SNTB1: variants seen among roughly 807,000 people sequenced by gnomAD.
SNTB1 encodes the protein beta-1-syntrophin.
In SNTB1, 36 loss-of-function variants were observed where a neutral mutation model predicts 48.9. That is an observed-to-expected ratio of 0.74 (90% CI 0.56 to 0.97). The LOEUF is 0.97. Among genes scored for constraint, SNTB1 ranks in the 50% least tolerant of loss-of-function variants. SNTB1 has a pLI of 0.00. For synonymous variants in SNTB1, 299 were observed against 294.6 expected (o/e 1.01, Z -0.15); for missense variants, 786 against 703.4 (o/e 1.12, Z -1.33).
chr8:120,636,368 A>C (rs1466942267), intron 2 of SNTB1, among the ~76,000 whole-genome samples: 1 of 137,592 alleles, frequency 7.3e-6, no homozygotes, highest in Non-Finnish European at 1.6e-5. Context: ...CATTAGGTAT[A>C]TCTCCCGATG....
In SNTB1 at chr8:120,681,267, C is replaced by T. The variant is rs369397850; in HGVS notation, c.788+12425G>A. Among the ~76,000 whole-genome samples, 44 of 152,300 alleles carry T rather than the reference C, an allele frequency of 2.9e-4. No individual in the cohort carries two copies. In the East Asian group the frequency reaches 8.3e-3, roughly 29 times the overall value. ...CGGTGGTTTGGCTATTCATGTTGAT[C>T]TCCTGCCTTTTGTAAGATCCAGTAA... On this transcript the variant is annotated intron_variant, in intron 2 of 6. Transcript: ENST00000517992.
intron 1 of SNTB1, among the ~76,000 whole-genome samples, chr8:120,810,017 GA>G (rs1218876863): frequency 6.6e-6 from 1 of 152,122 alleles, no homozygotes; most frequent in African/African-American, 2.4e-5. Context: ...GCAGGAAATT[GA>G]CTTAAGTCCT....
chr8:120,571,153 A>C, intron 4 of SNTB1: 1 of 1,175,566 alleles, frequency 8.5e-7, no homozygotes, highest in Non-Finnish European at 1.1e-6. Flanking sequence ...CTGTGAGAAC[A>C]AGGCTATGTA....
intron 1 of SNTB1, among the ~76,000 whole-genome samples, chr8:120,792,997 T>C (rs1043662845): frequency 6.6e-6 from 1 of 152,070 alleles, no homozygotes; most frequent in Admixed American, 6.6e-5. Flanking sequence ...GTCTGTGTGT[T>C]GGTGCTTTGT....
At chr8:120,634,239 A>G (rs528243981) in intron 2 of SNTB1, among the ~76,000 whole-genome samples, 291 of 152,358 alleles carry the variant, frequency 1.9e-3, no homozygotes, top group African/African-American at 6.8e-3. Flanking sequence ...GGATTCGGAA[A>G]TTCAAAGCTC....
At chr8:120,757,680 A>G (rs1819341017) in intron 1 of SNTB1, among the ~76,000 whole-genome samples, 1 of 152,182 alleles carries the variant, frequency 6.6e-6, no homozygotes, top group African/African-American at 2.4e-5. Context: ...TTCTTCTGTG[A>G]AAAACTTCCC....
chr8:120,623,801 CACA>C (rs1289157831), intron 3 of SNTB1, among the ~76,000 whole-genome samples: 24 of 152,300 alleles, frequency 1.6e-4, no homozygotes, highest in Non-Finnish European at 2.9e-4. Flanking sequence ...TCTTCTGGAA[CACA>C]TCTATTTCAT....
intron 1 of SNTB1, among the ~76,000 whole-genome samples, chr8:120,777,860 A>C (rs1196286918): frequency 1.3e-5 from 2 of 152,218 alleles, no homozygotes; most frequent in Admixed American, 6.5e-5. Context: ...ATATGAGGGC[A>C]AGAGTATCCC....
At chr8:120,539,238 T>C (rs1157639257) in intron 6 of SNTB1, among the ~76,000 whole-genome samples, 1 of 152,212 alleles carries the variant, frequency 6.6e-6, no homozygotes, top group East Asian at 1.9e-4. Flanking sequence ...TTCTTGACTG[T>C]CTAAGCCATT....
chr8:120,747,517 C>T (rs2130023020), intron 1 of SNTB1, among the ~76,000 whole-genome samples: 1 of 152,262 alleles, frequency 6.6e-6, no homozygotes, highest in South Asian at 2.1e-4. Context: ...TCTCAAACTC[C>T]TGACCTCTAT....
At chr8:120,602,317 G>GTATGCCATAGTATGCCATA (rs1240463586) in intron 3 of SNTB1, among the ~76,000 whole-genome samples, 1 of 152,176 alleles carries the variant, frequency 6.6e-6, no homozygotes, top group Non-Finnish European at 1.5e-5. Flanking sequence ...GCTAGGCTAT[G>GTATGCCATAGTATGCCATA]GTATGCCACT....
intron 2 of SNTB1, among the ~76,000 whole-genome samples, chr8:120,681,309 G>T (rs971805384): frequency 1.3e-5 from 2 of 152,168 alleles, no homozygotes; most frequent in East Asian, 3.9e-4. Flanking sequence ...AGTAAAGGAG[G>T]TCTAAACTCA....
At chr8:120,730,790 G>C (rs1818837594) in intron 1 of SNTB1, among the ~76,000 whole-genome samples, 1 of 152,108 alleles carries the variant, frequency 6.6e-6, no homozygotes, top group Admixed American at 6.6e-5. Context: ...TCTTTAGGGA[G>C]AGAGTTTAGC....
At chr8:120,683,006 C>T (rs572924599) in intron 2 of SNTB1, among the ~76,000 whole-genome samples, 1 of 151,524 alleles carries the variant, frequency 6.6e-6, no homozygotes, top group South Asian at 2.1e-4. Context: ...CTCAGCCTCC[C>T]GAGTAGCTGG....
intron 2 of SNTB1, among the ~76,000 whole-genome samples, chr8:120,663,433 A>G (rs910509611): frequency 2.0e-5 from 3 of 152,302 alleles, no homozygotes; most frequent in East Asian, 1.9e-4. Flanking sequence ...CAGCCTCCCG[A>G]GTAGCTGGGA....
At chr8:120,616,523 C>T (rs1226700821) in intron 3 of SNTB1, among the ~76,000 whole-genome samples, 3 of 150,854 alleles carry the variant, frequency 2.0e-5, no homozygotes, top group Admixed American at 6.6e-5. Context: ...GATACATTGC[C>T]CCAGGCTGGT....
chr8:120,561,775 C>T (rs1019558202), intron 4 of SNTB1, among the ~76,000 whole-genome samples: 1 of 152,192 alleles, frequency 6.6e-6, no homozygotes, highest in African/African-American at 2.4e-5. Context: ...TTATAACACT[C>T]GGCTTTTCCT....
chr8:120,769,224 T>G (rs1022250848), intron 1 of SNTB1: 2 of 152,134 alleles, frequency 1.3e-5, no homozygotes, highest in African/African-American at 4.8e-5. Flanking sequence ...TTAGCACCAA[T>G]AGAGTTGATT....
intron 3 of SNTB1, among the ~76,000 whole-genome samples, chr8:120,616,141 C>T (rs963668117): frequency 2.0e-5 from 3 of 152,090 alleles, no homozygotes; most frequent in Non-Finnish European, 2.9e-5. Flanking sequence ...ATCTCCAAGT[C>T]GGTAATGATT....
Sources: gnomAD v4.1 joint callset for allele counts (sites outside exome capture counted in the v4.1 genomes callset) on GRCh38, gnomAD v4.1.1 for gene constraint, MANE v1.5 for transcripts, NCBI Gene and HGNC (gene_info 2026-07-23, HGNC 2026-07-21) for gene names.